The following SCN3A variants were observed in gnomAD, a reference collection of about 807,000 sequenced individuals.
SCN3A encodes sodium channel protein type 3 subunit alpha.
SCN3A carries 60 observed loss-of-function variants against 187.6 expected under a neutral mutation model. The observed-to-expected ratio is 0.32, with a 90% CI of 0.26 to 0.40. SCN3A has a LOEUF of 0.40. Ranked by LOEUF, SCN3A falls within the 10% of genes least tolerant of loss-of-function variation. The pLI is 1.00. For synonymous variants in SCN3A, 788 were observed against 829.2 expected, an observed-to-expected ratio of 0.95 and a Z score of 0.85; for missense variants, 1,601 against 2,428.2, an observed-to-expected ratio of 0.66 and a Z score of 7.16.
chr2:165,131,887 T>C (rs1239777673), intron 15 of SCN3A, among the ~76,000 whole-genome samples: 1 of 151,960 alleles, frequency 6.6e-6, no homozygotes, highest in Non-Finnish European at 1.5e-5. Flanking sequence ...TTACTGAGAA[T>C]GATGATTTCC....
chr2:165,107,435 A>G (rs1321369091), intron 21 of SCN3A, among the ~76,000 whole-genome samples: 1 of 152,232 alleles, frequency 6.6e-6, no homozygotes, highest in Non-Finnish European at 1.5e-5. Flanking sequence ...TTACACGGAA[A>G]TATATCTAGA....
rs764846653 is a variant in SCN3A, at chr2:165,113,022, T to C, written c.3706A>G (p.Ile1236Val). ...EDIYIEQRKTIKTMLEYADKV... is the reference protein window; with the variant it reads ...EDIYIEQRKTVKTMLEYADKV... ...TCAGCATATTCTAGCATGGTTTTGA[T>C]AGTCTTTCGCTGTTCAATGTATATA... Residue 1236 changes from isoleucine (I) to valine (V), a missense_variant, in exon 21 of 28, where the codon ATC becomes GTC. Physicochemically the swap from Ile to Val is conservative, Grantham distance 29. Around this residue, in one of 11 missense-constraint regions of SCN3A, gnomAD observed 267 missense variants for 313.2 expected, o/e 0.85. Coordinates refer to ENST00000283254, the MANE Select transcript of SCN3A (RefSeq NM_006922.4). The C allele has an allele frequency of 1.2e-6, 2 of 1,612,856 alleles. No homozygotes were observed. The highest frequency in any genetic ancestry group is 1.7e-6 in the Non-Finnish European group (2 of 1,179,458).
chr2:165,090,639 A>T lies in SCN3A; in HGVS notation c.5514T>A (p.Asp1838Glu), dbSNP rs1254524364. ...TCCGGTCACCACTGACCATGGGCAG[A>T]TCCATGGCAATAAGCTGGACTTTGT... ...KPNKVQLIAMDLPMVSGDRIH... is the reference protein window; with the variant it reads ...KPNKVQLIAMELPMVSGDRIH... The change falls in exon 28 of 28, where the codon GAT (aspartate) becomes GAA (glutamate). Residue 1838 changes from aspartate (D) to glutamate (E), a missense_variant. Asp to Glu is a conservative substitution (Grantham distance 45, BLOSUM62 2). This residue lies in a region of SCN3A where 110 missense variants were observed against 175.9 expected (regional missense o/e 0.63). Coordinates refer to ENST00000283254, the MANE Select transcript of SCN3A (RefSeq NM_006922.4). This position sits in a 1 kb window ranked among gnomAD's most constrained non-coding sequence, Gnocchi z 4.0. 1.9e-6 allele frequency: 3 copies of T among 1,614,088 alleles called. No homozygotes were observed. The South Asian group carries it at 3.3e-5, about 18-fold the overall frequency.
At chr2:165,113,732 G>T in intron 20 of SCN3A, 84 bp downstream of exon 20, 1 of 1,431,338 alleles carries the variant, frequency 7.0e-7, no homozygotes. Context: ...TTTTGATTCT[G>T]AAGCTCAGTG....
At chr2:165,147,279 T>C (rs1480255645) in intron 11 of SCN3A, among the ~76,000 whole-genome samples, 7 of 90,920 alleles carry the variant, frequency 7.7e-5, no homozygotes, top group African/African-American at 2.1e-4. Flanking sequence ...GATTGTCTTT[T>C]TTTTGGGGGG....
chr2:165,090,919 G>C lies in SCN3A; in HGVS notation c.5234C>G (p.Ser1745Cys), dbSNP rs1291050149. The C allele has an allele frequency of 6.2e-7, 1 of 1,614,110 alleles. No homozygotes were observed. The highest frequency in any genetic ancestry group is 8.5e-7 in the Non-Finnish European group (1 of 1,180,008). ...SSVKGDCGNP[S>C]VGIFFFVSYI... ...ACTGACAAAAAAGAAAATCCCAACAGATGGGTTCCCACAGTCTCCCTTAAC... is the reference window on the plus strand; with the variant it reads ...ACTGACAAAAAAGAAAATCCCAACACATGGGTTCCCACAGTCTCCCTTAAC... Residue 1745 changes from serine (S) to cysteine (C), a missense_variant, in exon 28 of 28, where the codon TCT (serine) becomes TGT (cysteine). Physicochemically the swap from Ser to Cys is moderately radical, Grantham distance 112. This residue lies in a region of SCN3A where 320 missense variants were observed against 623.2 expected (regional missense o/e 0.51). Coordinates refer to ENST00000283254, the MANE Select transcript of SCN3A (RefSeq NM_006922.4). This position sits in a 1 kb window ranked among gnomAD's most constrained non-coding sequence, Gnocchi z 4.0.
chr2:165,138,263 C>T (rs1020207051), intron 14 of SCN3A, 146 bp from the exon 15 acceptor site: 2 of 658,142 alleles, frequency 3.0e-6, no homozygotes, highest in Non-Finnish European at 5.3e-6. Flanking sequence ...AAGACAATCC[C>T]ATTAAATATT....
chr2:165,127,132 C>T (rs1687043753), intron 18 of SCN3A, among the ~76,000 whole-genome samples: 2 of 152,306 alleles, frequency 1.3e-5, no homozygotes, highest in Non-Finnish European at 1.5e-5. Flanking sequence ...GATCGTGGCT[C>T]ACTGCAGCCT....
intron 16 of SCN3A, among the ~76,000 whole-genome samples, chr2:165,130,759 C>T (rs1687266618): frequency 6.6e-6 from 1 of 151,962 alleles, no homozygotes; most frequent in Admixed American, 6.5e-5. Flanking sequence ...ACACATTTTG[C>T]TTAATTTTCA....
Position 165,153,987 on chromosome 2 carries a change from A to ATTTTT in SCN3A, c.1380+460_1380+464dup, listed in dbSNP as rs71393659. ...TATCCTGATGTGGGCTATAGCAAAC[A>ATTTTT]TTTTTTTTTTTTTTTTTTTTTGCTA... On this transcript the variant is annotated intron_variant, in intron 11 of 27. Coordinates refer to ENST00000283254, the MANE Select transcript of SCN3A (RefSeq NM_006922.4). Among the ~76,000 whole-genome samples, 102 of 92,762 alleles carry ATTTTT rather than the reference A, an allele frequency of 1.1e-3. 11 individuals carry two copies. The highest frequency in any genetic ancestry group is 1.4e-3 in the Non-Finnish European group (71 of 52,094). The allele number at this position is 92,762 out of a possible 152,430, so 60.9% of individuals were successfully genotyped here.
intron 1 of SCN3A, among the ~76,000 whole-genome samples, chr2:165,196,669 T>C (rs1216261931): frequency 2.0e-5 from 3 of 152,116 alleles, no homozygotes; most frequent in African/African-American, 7.2e-5. Flanking sequence ...AATTATTAAT[T>C]TCGCTCCACT....
intron 1 of SCN3A, among the ~76,000 whole-genome samples, chr2:165,202,185 AT>A (rs1692365964): frequency 6.6e-6 from 1 of 152,094 alleles, no homozygotes; most frequent in Admixed American, 6.6e-5. Flanking sequence ...AATTTCCGAA[AT>A]TTTTGAAAGA....
intron 2 of SCN3A, among the ~76,000 whole-genome samples, chr2:165,180,549 A>C (rs570500173): frequency 8.5e-5 from 13 of 152,144 alleles, no homozygotes; most frequent in South Asian, 8.3e-4. Context: ...GTAGGAAGAC[A>C]CATCAGTAGA....
rs148746087 is a variant in SCN3A at position 165,092,417 on chromosome 2, A to G, written c.4644T>C (p.Asp1548=). 6 of 1,613,890 alleles carry G rather than the reference A, an allele frequency of 3.7e-6. No homozygotes were observed. Among genetic ancestry groups the G allele is most frequent in the South Asian group, 1.1e-5 (1 of 91,078 alleles). ...CTAGGGTCATGTATTTGCCCTGGTC[A>G]TCCGTTTCCACCATCATGGTGACCA... ...LNMVTMMVET[D]DQGKYMTLVL... The change falls in exon 27 of 28, where the codon GAT becomes GAC. Residue 1548 remains aspartate (D), a synonymous_variant. Transcript: ENST00000283254. This position sits in a 1 kb window ranked among gnomAD's most constrained non-coding sequence, Gnocchi z 4.2.
intron 19 of SCN3A, among the ~76,000 whole-genome samples, chr2:165,115,186 G>A (rs1014851815): frequency 1.3e-5 from 2 of 151,846 alleles, no homozygotes; most frequent in South Asian, 2.1e-4. Flanking sequence ...AGGTAGCAGC[G>A]ACTACAGGCA....
intron 18 of SCN3A, among the ~76,000 whole-genome samples, chr2:165,123,536 G>T (rs568509299): frequency 8.5e-5 from 13 of 152,178 alleles, no homozygotes; most frequent in African/African-American, 3.1e-4. Flanking sequence ...TATAACTCTG[G>T]TGGGTTTAAC....
intron 15 of SCN3A, 66 bp downstream of exon 15, chr2:165,137,813 T>A: frequency 8.1e-7 from 1 of 1,235,544 alleles, no homozygotes; most frequent in Non-Finnish European, 1.2e-6. Context: ...CACAAATACA[T>A]CTTTCCCTTT....
chr2:165,200,158 T>C (rs1692224764), intron 1 of SCN3A, among the ~76,000 whole-genome samples: 2 of 152,076 alleles, frequency 1.3e-5, no homozygotes, highest in South Asian at 4.1e-4. Context: ...TTAAAATTAA[T>C]CGAAAATTTA....
intron 15 of SCN3A, among the ~76,000 whole-genome samples, chr2:165,133,067 C>T (rs985256338): frequency 3.3e-5 from 5 of 152,152 alleles, no homozygotes; most frequent in African/African-American, 9.7e-5. Context: ...AAATGCAAAT[C>T]AAAACCACAA....
Sources: gnomAD v4.1 joint callset for allele counts (sites outside exome capture counted in the v4.1 genomes callset) on GRCh38, gnomAD v4.1.1 for gene constraint, gnomAD v4.1.1 regional missense constraint, Gnocchi (gnomAD v3.1) non-coding constraint, MANE v1.5 for transcripts, NCBI Gene and HGNC (gene_info 2026-07-23, HGNC 2026-07-21) for gene names.